NAALADL2: variants seen among roughly 807,000 people sequenced by gnomAD.
NAALADL2 encodes inactive N-acetylated-alpha-linked acidic dipeptidase-like protein 2.
A neutral mutation model predicts 87.2 loss-of-function variants in NAALADL2; 76 were observed. The ratio of observed to expected loss-of-function variants is 0.87; its 90% CI spans 0.72 to 1.05. NAALADL2 has a LOEUF of 1.05. NAALADL2 is among the 50% of genes least tolerant of loss of function. The probability of loss-of-function intolerance (pLI) is 0.00; values close to 1 mark genes in which losing one functional copy is unlikely to be tolerated. For missense variants in NAALADL2, 1,089 were observed against 945.8 expected (o/e 1.15, Z -1.99); for synonymous variants, 354 against 331.0 (o/e 1.07, Z -0.75).
chr3:175,466,627 G>A (rs1426222455), intron 7 of NAALADL2, among the ~76,000 whole-genome samples: 1 of 152,072 alleles, frequency 6.6e-6, no homozygotes, highest in Non-Finnish European at 1.5e-5. Context: ...AATATTTACT[G>A]AGCATGCATA....
intron 1 of NAALADL2, among the ~76,000 whole-genome samples, chr3:174,442,920 G>C (rs1668747645): frequency 6.6e-6 from 1 of 152,148 alleles, no homozygotes; most frequent in African/African-American, 2.4e-5. Context: ...GAGTTTCCGG[G>C]CGCAGAGAAA....
At chr3:175,073,116 T>C (rs1195483894) in intron 1 of NAALADL2, among the ~76,000 whole-genome samples, 1 of 152,072 alleles carries the variant, frequency 6.6e-6, no homozygotes, top group African/African-American at 2.4e-5. Context: ...TGTTTTAAAA[T>C]ATCATTAAAT....
intron 2 of NAALADL2, among the ~76,000 whole-genome samples, chr3:175,099,563 G>A (rs1423776221): frequency 6.6e-6 from 1 of 152,132 alleles, no homozygotes; most frequent in South Asian, 2.1e-4. Context: ...ATGAGTCTGT[G>A]TTTACTGAGC....
At chr3:174,736,542 A>C (rs1454692025) in intron 2 of NAALADL2, among the ~76,000 whole-genome samples, 3 of 152,026 alleles carry the variant, frequency 2.0e-5, no homozygotes, top group Non-Finnish European at 4.4e-5. Context: ...CTTTCAGCAG[A>C]GAGGAGACCC....
Position 175,269,574 on chromosome 3 carries a change from G to T in NAALADL2, c.939+13044G>T, listed in dbSNP as rs138779437. On this transcript the variant is annotated intron_variant, in intron 4 of 13. Transcript: ENST00000454872. ...CCTGTGCGGAGCCACGACTTTGTCT[G>T]TATGACGCTAGTTTACTTTCAGATA... 9.3e-4 allele frequency among the ~76,000 whole-genome samples: 141 copies of T among 152,318 alleles called. 4 individuals carry two copies. In the East Asian group the frequency reaches 0.025, roughly 27 times the overall value.
At chr3:174,585,589 A>G (rs1390709223) in intron 2 of NAALADL2, among the ~76,000 whole-genome samples, 1 of 152,180 alleles carries the variant, frequency 6.6e-6, no homozygotes. Flanking sequence ...GATCTGTGCT[A>G]GTAGTTCTCA....
At chr3:174,828,940 A>G (rs922090872) in intron 3 of NAALADL2, among the ~76,000 whole-genome samples, 4 of 152,230 alleles carry the variant, frequency 2.6e-5, no homozygotes, top group African/African-American at 9.6e-5. Flanking sequence ...AAAATTGTGT[A>G]TTATAATATT....
At chr3:174,723,214 C>A (rs528067119) in intron 2 of NAALADL2, among the ~76,000 whole-genome samples, 7 of 152,130 alleles carry the variant, frequency 4.6e-5, no homozygotes, top group East Asian at 1.9e-4. Context: ...GTTAATTCAC[C>A]TTTCTGAGCC....
chr3:175,658,276 CA>C (rs1436709017), intron 11 of NAALADL2, among the ~76,000 whole-genome samples: 2 of 152,016 alleles, frequency 1.3e-5, no homozygotes, highest in African/African-American at 4.8e-5. Context: ...TTATGGTACC[CA>C]AATGACAGGG....
At chr3:175,493,932 G>A (rs1173521893) in intron 9 of NAALADL2, among the ~76,000 whole-genome samples, 1 of 152,034 alleles carries the variant, frequency 6.6e-6, no homozygotes, top group Admixed American at 6.6e-5. Context: ...GAACTAAGTA[G>A]GATTAGCTTG....
At chr3:175,549,176 G>T (rs1312134864) in intron 9 of NAALADL2, among the ~76,000 whole-genome samples, 1 of 151,372 alleles carries the variant, frequency 6.6e-6, no homozygotes, top group Non-Finnish European at 1.5e-5. Flanking sequence ...TTCTTTCATT[G>T]TGTAGTTCTA....
At chr3:174,508,753 A>T (rs892034829) in intron 1 of NAALADL2, among the ~76,000 whole-genome samples, 2 of 152,162 alleles carry the variant, frequency 1.3e-5, no homozygotes, top group Non-Finnish European at 2.9e-5. Context: ...CACTTAAAAA[A>T]TTTTTAATTT....
At chr3:175,708,828 A>G (rs963565576) in intron 11 of NAALADL2, among the ~76,000 whole-genome samples, 1 of 146,636 alleles carries the variant, frequency 6.8e-6, no homozygotes, top group East Asian at 1.9e-4. Flanking sequence ...CAGAGAATAA[A>G]AAAAAAAAAA....
In NAALADL2 at chr3:175,808,956, G is replaced by A. The variant is rs934307620; in HGVS notation, c.*5753G>A. The A allele has an allele frequency of 6.6e-6, 1 of 151,678 alleles. No individual in the cohort carries two copies. Among genetic ancestry groups the A allele is most frequent in the African/African-American group, 2.4e-5 (1 of 41,312 alleles). 9.4% of individuals were successfully genotyped at this position (151,678 alleles called of 1,614,324 possible). On this transcript the variant is annotated 3_prime_UTR_variant, in exon 14 of 14. Transcript: ENST00000454872. ...CATAACTCTCCAACTTCTTCAAAGG[G>A]CCTTTATTCAATATGTTACCACTCA...
chr3:175,203,110 C>T (rs926570180), intron 2 of NAALADL2, among the ~76,000 whole-genome samples: 1 of 152,136 alleles, frequency 6.6e-6, no homozygotes, highest in Non-Finnish European at 1.5e-5. Flanking sequence ...AGTCTGCACA[C>T]TGGATTCGCA....
chr3:174,869,298 G>A (rs1190550141), intron 1 of NAALADL2, among the ~76,000 whole-genome samples: 2 of 151,962 alleles, frequency 1.3e-5, no homozygotes, highest in Admixed American at 6.5e-5. Flanking sequence ...GGAAATGGGA[G>A]AAAGAAGAGT....
intron 1 of NAALADL2, among the ~76,000 whole-genome samples, chr3:175,083,499 A>C (rs1256613206): frequency 1.3e-5 from 2 of 152,192 alleles, no homozygotes; most frequent in Non-Finnish European, 2.9e-5. Flanking sequence ...GATTTCATTT[A>C]GTTTTCACCA....
At chr3:174,646,703 TG>T (rs1391732918) in intron 2 of NAALADL2, among the ~76,000 whole-genome samples, 1 of 152,164 alleles carries the variant, frequency 6.6e-6, no homozygotes, top group Non-Finnish European at 1.5e-5. Context: ...AAAAATTAAT[TG>T]TCTTTAAAAT....
At chr3:175,062,339 T>G (rs1713669007) in intron 1 of NAALADL2, among the ~76,000 whole-genome samples, 1 of 152,136 alleles carries the variant, frequency 6.6e-6, no homozygotes, top group Admixed American at 6.6e-5. Flanking sequence ...TCTTATTTTT[T>G]GGAGATTGTT....
Sources: gnomAD v4.1 joint callset for allele counts (sites outside exome capture counted in the v4.1 genomes callset) on GRCh38, gnomAD v4.1.1 for gene constraint, MANE v1.5 for transcripts, NCBI Gene and HGNC (gene_info 2026-07-23, HGNC 2026-07-21) for gene names.